TRAPPC9: variants seen among roughly 807,000 people sequenced by gnomAD.
TRAPPC9 encodes trafficking protein particle complex subunit 9, also known as IKK2 binding protein.
Under a neutral mutation model 124.0 loss-of-function variants are expected in TRAPPC9, and 83 were observed. The ratio of observed to expected loss-of-function variants is 0.67; its 90% CI spans 0.56 to 0.80. The LOEUF is 0.80. TRAPPC9 is among the 30% of genes least tolerant of loss of function. The pLI, the probability that TRAPPC9 is intolerant of heterozygous loss-of-function variation, is 0.00. For synonymous variants in TRAPPC9, 638 were observed against 617.5 expected (o/e 1.03, Z -0.49); for missense variants, 1,302 against 1,508.3 (o/e 0.86, Z 2.27).
At chr8:140,137,799 T>C (rs2061328200) in intron 17 of TRAPPC9, among the ~76,000 whole-genome samples, 2 of 152,258 alleles carry the variant, frequency 1.3e-5, no homozygotes, top group African/African-American at 4.8e-5. Context: ...TTTGTCCAAG[T>C]AACGAGGTTA....
At chr8:139,856,556 G>C (rs1563866862) in intron 21 of TRAPPC9, among the ~76,000 whole-genome samples, 2 of 152,164 alleles carry the variant, frequency 1.3e-5, no homozygotes, top group Non-Finnish European at 2.9e-5. Flanking sequence ...TGAGCTCATG[G>C]GTAACACAGG....
intron 16 of TRAPPC9, among the ~76,000 whole-genome samples, chr8:140,250,489 G>A (rs756358875): frequency 1.4e-4 from 21 of 152,136 alleles, no homozygotes; most frequent in Non-Finnish European, 2.2e-4. Context: ...GCTACAGGGG[G>A]TCGTCTCCCA....
chr8:139,876,486 A>T (rs925404686), intron 21 of TRAPPC9, among the ~76,000 whole-genome samples: 3 of 152,210 alleles, frequency 2.0e-5, no homozygotes, highest in African/African-American at 7.2e-5. Context: ...CTTCCGGGAC[A>T]TCTGCACAAG....
At chr8:139,815,832 G>A (rs1824792532) in intron 21 of TRAPPC9, among the ~76,000 whole-genome samples, 1 of 152,256 alleles carries the variant, frequency 6.6e-6, no homozygotes, top group Non-Finnish European at 1.5e-5. Context: ...AGAGGGCAAG[G>A]AGGCTGCGTG....
rs71520259 is a variant in TRAPPC9, at chr8:140,179,993, A to ATT, written c.2556+41464_2556+41465dup. Among the ~76,000 whole-genome samples the ATT allele has an allele frequency of 3.0e-3, 274 of 90,028 alleles. 18 individuals carry two copies. Among genetic ancestry groups the ATT allele is most frequent in the African/African-American group, 5.8e-3 (141 of 24,392 alleles). 59.1% of individuals were successfully genotyped at this position (90,028 alleles called of 152,430 possible). A position where few individuals can be genotyped will look rare whatever the true frequency, so the allele number is the denominator to read the frequency against. ...ATAAACAATTTATAGTTATATCTTG[A>ATT]TTTTTTTTTTTTTTTTTTTTTGGCC... On this transcript the variant is annotated intron_variant, in intron 17 of 22. Transcript: ENST00000438773.
chr8:139,831,879 T>G (rs760934580), intron 21 of TRAPPC9, among the ~76,000 whole-genome samples: 2 of 152,260 alleles, frequency 1.3e-5, no homozygotes, highest in African/African-American at 4.8e-5. Context: ...CTCCGTGCTC[T>G]TTCCACAGTG....
chr8:140,280,097 T>C (rs1033681994), intron 14 of TRAPPC9, among the ~76,000 whole-genome samples: 2 of 152,316 alleles, frequency 1.3e-5, no homozygotes, highest in Middle Eastern at 3.4e-3. Flanking sequence ...GCCGTGACAC[T>C]GTAGCTGAAG....
At chr8:140,198,679 G>A (rs1377839103) in intron 17 of TRAPPC9, among the ~76,000 whole-genome samples, 1 of 152,142 alleles carries the variant, frequency 6.6e-6, no homozygotes, top group East Asian at 1.9e-4. Flanking sequence ...TTTCTCTATT[G>A]CAATTCCCCT....
intron 17 of TRAPPC9, among the ~76,000 whole-genome samples, chr8:140,193,397 A>G (rs574937279): frequency 3.5e-4 from 54 of 152,264 alleles, no homozygotes; most frequent in Non-Finnish European, 7.4e-4. Flanking sequence ...GAATAGGGAG[A>G]AGCTTCATGT....
intron 21 of TRAPPC9, among the ~76,000 whole-genome samples, chr8:139,823,590 G>A (rs916957665): frequency 6.6e-6 from 1 of 152,158 alleles, no homozygotes; most frequent in African/African-American, 2.4e-5. Context: ...TTGGGCCTGT[G>A]CTCCAGGAGC....
At chr8:140,259,047 G>A (rs79148090) in intron 15 of TRAPPC9, among the ~76,000 whole-genome samples, 2 of 152,324 alleles carry the variant, frequency 1.3e-5, no homozygotes, top group East Asian at 3.9e-4. Context: ...AAGCAGCAGA[G>A]GGCTCTCAGG....
intron 15 of TRAPPC9, among the ~76,000 whole-genome samples, chr8:140,271,906 AGTG>A (rs1018588517): frequency 6.6e-6 from 1 of 152,026 alleles, no homozygotes; most frequent in African/African-American, 2.4e-5. Flanking sequence ...CAATAGTGGC[AGTG>A]GTGGTGGTGG....
intron 17 of TRAPPC9, among the ~76,000 whole-genome samples, chr8:140,195,118 A>C (rs2062610102): frequency 6.6e-6 from 1 of 152,094 alleles, no homozygotes; most frequent in African/African-American, 2.4e-5. Flanking sequence ...TGAAACTAAA[A>C]CACACTCAAC....
intron 17 of TRAPPC9, among the ~76,000 whole-genome samples, chr8:140,171,631 C>T (rs1174306849): frequency 1.3e-5 from 2 of 152,140 alleles, no homozygotes; most frequent in African/African-American, 2.4e-5. Flanking sequence ...AGGTCCTCTG[C>T]CATGCAGCTT....
chr8:139,785,537 A>AACAC (rs57202244), intron 21 of TRAPPC9, among the ~76,000 whole-genome samples: 3,190 of 138,232 alleles, frequency 0.023, 56 homozygotes, highest in African/African-American at 0.037. Flanking sequence ...ATCTCTACTA[A>AACAC]ACACACACAC....
chr8:139,917,167 C>CTTTTTTTTTTTTTTTTTTTTTTTTTTT lies in TRAPPC9; in HGVS notation c.2811-6868_2811-6867insAAAAAAAAAAAAAAAAAAAAAAAAAAA, dbSNP rs71318317. On this transcript the variant is annotated intron_variant, in intron 19 of 22. Transcript: ENST00000438773. ...AGAAATCCTTCTTCATTATTATTTT[C>CTTTTTTTTTTTTTTTTTTTTTTTTTTT]TTTTTTTTTTTTTTTTTTTTTGTTG... 6.4e-4 allele frequency among the ~76,000 whole-genome samples: 64 copies of CTTTTTTTTTTTTTTTTTTTTTTTTTTT among 99,934 alleles called. 2 individuals carry two copies. The highest frequency in any genetic ancestry group is 1.0e-3 in the East Asian group (3 of 2,920). 65.6% of individuals were successfully genotyped at this position (99,934 alleles called of 152,430 possible).
chr8:140,056,833 G>A (rs970275553), intron 17 of TRAPPC9, among the ~76,000 whole-genome samples: 2 of 152,010 alleles, frequency 1.3e-5, no homozygotes. Context: ...AAACTAAAAC[G>A]CTTCTATACA....
chr8:140,436,295 G>A (rs1207543085), intron 3 of TRAPPC9, among the ~76,000 whole-genome samples: 1 of 152,076 alleles, frequency 6.6e-6, no homozygotes. Context: ...TCAGTGAGCT[G>A]AAATCACGCC....
At chr8:140,302,041 T>C (rs1162598915) in intron 10 of TRAPPC9, among the ~76,000 whole-genome samples, 6 of 152,212 alleles carry the variant, frequency 3.9e-5, no homozygotes, top group African/African-American at 1.4e-4. Flanking sequence ...TAACCTATAC[T>C]GCATAATAAC....
Sources: gnomAD v4.1 joint callset for allele counts (sites outside exome capture counted in the v4.1 genomes callset) on GRCh38, gnomAD v4.1.1 for gene constraint, MANE v1.5 for transcripts, NCBI Gene and HGNC (gene_info 2026-07-23, HGNC 2026-07-21) for gene names.